PHACTR3: variants seen among roughly 807,000 people sequenced by gnomAD.
The protein encoded by PHACTR3 is protein phosphatase 1, regulatory subunit 123.
Under a neutral mutation model 66.8 loss-of-function variants are expected in PHACTR3, and 16 were observed. The observed-to-expected ratio is 0.24, with a 90% CI of 0.16 to 0.36. The LOEUF (loss-of-function observed/expected upper bound fraction) is 0.36. PHACTR3 is among the 10% of genes least tolerant of loss of function. The pLI is 1.00. For synonymous variants in PHACTR3, 323 were observed against 292.1 expected (o/e 1.11, Z -1.08); for missense variants, 647 against 719.9 (o/e 0.90, Z 1.16).
chr20:59,777,260 C>T (rs970956500), intron 7 of PHACTR3, among the ~76,000 whole-genome samples: 1 of 152,200 alleles, frequency 6.6e-6, no homozygotes, highest in African/African-American at 2.4e-5. Flanking sequence ...TAGAGATTAA[C>T]TTAATTACTT....
intron 4 of PHACTR3, among the ~76,000 whole-genome samples, chr20:59,763,272 G>GT (rs2040062647): frequency 6.6e-6 from 1 of 152,196 alleles, no homozygotes; most frequent in African/African-American, 2.4e-5. Context: ...TGCCATGATT[G>GT]TAAGTTTCCT....
chr20:59,607,882 C>T (rs1370865657), intron 1 of PHACTR3, among the ~76,000 whole-genome samples: 2 of 152,152 alleles, frequency 1.3e-5, no homozygotes, highest in African/African-American at 2.4e-5. Context: ...CCAGTTTTTA[C>T]CCACTACAGA....
chr20:59,807,175 G>A (rs1000696769), intron 8 of PHACTR3, among the ~76,000 whole-genome samples: 12 of 152,056 alleles, frequency 7.9e-5, no homozygotes, highest in African/African-American at 1.2e-4. Context: ...TTTAACTTTC[G>A]GACTCTTATA....
chr20:59,577,668 C>A, intron 1 of PHACTR3: 1 of 1,147,898 alleles, frequency 8.7e-7, no homozygotes, highest in East Asian at 3.5e-5. Flanking sequence ...CCGGGGTGCC[C>A]GCCGGGCACG....
chr20:59,847,044 T>C lies in PHACTR3; in HGVS notation c.1665-71T>C, dbSNP rs955220360. 23 of 1,063,906 alleles carry C rather than the reference T, an allele frequency of 2.2e-5. 1 individual carries two copies. The highest frequency in any genetic ancestry group is 3.0e-5 in the Non-Finnish European group (21 of 706,558). 65.9% of individuals were successfully genotyped at this position (1,063,906 alleles called of 1,614,324 possible). A position where few individuals can be genotyped will look rare whatever the true frequency, so the allele number is the denominator to read the frequency against. On this transcript the variant is annotated intron_variant, in intron 12 of 12. Transcript: ENST00000371015. ...TTTAATAGCAGCAAATTTATTTGTATAAGGTTTTTGGCTATTTTAACTGCT... is the reference window on the plus strand; with the variant it reads ...TTTAATAGCAGCAAATTTATTTGTACAAGGTTTTTGGCTATTTTAACTGCT...
At chr20:59,708,366 C>A (rs547776729) in intron 1 of PHACTR3, among the ~76,000 whole-genome samples, 1 of 152,176 alleles carries the variant, frequency 6.6e-6, no homozygotes, top group Non-Finnish European at 1.5e-5. Context: ...TGGACCGAGG[C>A]ACCACATCCA....
intron 5 of PHACTR3, among the ~76,000 whole-genome samples, chr20:59,768,509 C>T (rs1340267361): frequency 6.6e-6 from 1 of 152,212 alleles, no homozygotes; most frequent in Non-Finnish European, 1.5e-5. Flanking sequence ...GTTTTTGGGC[C>T]CAAAGCTTGT....
At chr20:59,686,965 GTGATTGTGATGATGGTGA>G (rs1457101084) in intron 1 of PHACTR3, among the ~76,000 whole-genome samples, 19 of 146,910 alleles carry the variant, frequency 1.3e-4, no homozygotes, top group African/African-American at 4.5e-4. Context: ...GATGATGATG[GTGATTGTGATGATGGTGA>G]TGATTGTGAT....
At chr20:59,828,868 G>T (rs1434007882) in intron 8 of PHACTR3, among the ~76,000 whole-genome samples, 1 of 152,130 alleles carries the variant, frequency 6.6e-6, no homozygotes, top group Non-Finnish European at 1.5e-5. Context: ...GAGGTGGACA[G>T]TGTGGAAGTC....
intron 1 of PHACTR3, among the ~76,000 whole-genome samples, chr20:59,666,568 G>C (rs770975937): frequency 6.6e-6 from 1 of 152,032 alleles, no homozygotes; most frequent in African/African-American, 2.4e-5. Context: ...GAGAGACAGA[G>C]ACAGAGAGAC....
chr20:59,691,970 T>C (rs2037123681), intron 1 of PHACTR3, among the ~76,000 whole-genome samples: 1 of 152,230 alleles, frequency 6.6e-6, no homozygotes, highest in Non-Finnish European at 1.5e-5. Flanking sequence ...ATTTGACCTT[T>C]TAAATCCAAG....
chr20:59,832,432 C>G (rs756264076), intron 8 of PHACTR3, among the ~76,000 whole-genome samples: 1 of 152,154 alleles, frequency 6.6e-6, no homozygotes, highest in African/African-American at 2.4e-5. Flanking sequence ...CAACTTCTTC[C>G]CCAAGTCTTG....
intron 8 of PHACTR3, among the ~76,000 whole-genome samples, chr20:59,831,380 C>A (rs566975937): frequency 1.1e-4 from 16 of 152,208 alleles, no homozygotes; most frequent in Non-Finnish European, 1.8e-4. Flanking sequence ...GGGAGACCGG[C>A]AGATGCTGCT....
chr20:59,593,968 C>T (rs1295762259), intron 1 of PHACTR3, among the ~76,000 whole-genome samples: 5 of 152,188 alleles, frequency 3.3e-5, no homozygotes, highest in African/African-American at 7.2e-5. Flanking sequence ...CCTTCAACAG[C>T]GTGTTGGGGA....
chr20:59,834,301 G>A (rs2145485460), intron 8 of PHACTR3, among the ~76,000 whole-genome samples: 1 of 152,306 alleles, frequency 6.6e-6, no homozygotes, highest in African/African-American at 2.4e-5. Flanking sequence ...TGGGGGCCAG[G>A]AATCTGGCTT....
chr20:59,752,389 G>A (rs999937512), intron 3 of PHACTR3, among the ~76,000 whole-genome samples: 3 of 152,208 alleles, frequency 2.0e-5, no homozygotes, highest in South Asian at 2.1e-4. Context: ...GTGGCCGGGC[G>A]GAGGCTGGCC....
At position 59,683,956 on chromosome 20, in the gene PHACTR3, A is replaced by G. The variant is rs147569312; in HGVS notation, c.119-59151A>G. On this transcript the variant is annotated intron_variant, in intron 1 of 12. Transcript: ENST00000371015. ...TAGAGGTTGGGTTTGCCTTAGGACT[A>G]TGTATTTTCTGAAAGGCAAACTGCA... 3.4e-3 allele frequency among the ~76,000 whole-genome samples: 512 copies of G among 152,318 alleles called. 2 individuals are homozygous for G. The highest frequency in any genetic ancestry group is 0.014 in the Middle Eastern group (4 of 294).
At chr20:59,773,249 A>G (rs372409972) in intron 5 of PHACTR3, 30 bp from the exon 6 acceptor site, 89 of 1,602,002 alleles carry the variant, frequency 5.6e-5, no homozygotes, top group Admixed American at 1.0e-4. Context: ...CTGAAGACCT[A>G]TGTTCTTGCT....
intron 4 of PHACTR3, among the ~76,000 whole-genome samples, chr20:59,765,928 A>G (rs1262699102): frequency 2.0e-5 from 3 of 152,224 alleles, no homozygotes; most frequent in Non-Finnish European, 2.9e-5. Flanking sequence ...TAAAAACTGA[A>G]TAAGATGATG....
Sources: allele counts gnomAD v4.1 joint callset (sites outside exome capture counted in the v4.1 genomes callset), GRCh38; gene constraint gnomAD v4.1.1; transcripts MANE v1.5; gene names NCBI Gene and HGNC (gene_info 2026-07-23, HGNC 2026-07-21).